The following TENM1 variants were observed in gnomAD, a reference collection of about 807,000 sequenced individuals.
The protein encoded by TENM1 is teneurin transmembrane protein 1.
A neutral mutation model predicts 174.8 loss-of-function variants in TENM1; 35 were observed. The observed-to-expected ratio is 0.20, with a 90% CI of 0.15 to 0.27. The LOEUF is 0.27. TENM1 is among the 10% of genes least tolerant of loss of function. The pLI is 1.00. For missense variants in TENM1, 1,633 were observed against 2,130.1 expected (o/e 0.77, Z 4.59); for synonymous variants, 781 against 798.7 (o/e 0.98, Z 0.37).
At chrX:125,156,888 T>A in the TENM1 span, among the ~76,000 whole-genome samples, 1 of 112,838 alleles carries the variant, frequency 8.9e-6, no homozygotes, top group Non-Finnish European at 1.9e-5. Context: ...TGAGTCTAAA[T>A]GTTCAGCTCT....
At chrX:124,492,681 C>A (rs2047097512) in intron 20 of TENM1, among the ~76,000 whole-genome samples, 1 of 110,405 alleles carries the variant, frequency 9.1e-6, no homozygotes, top group African/African-American at 3.3e-5. Context: ...TAGCTTATTT[C>A]TTTGATGGCC....
intron 27 of TENM1, among the ~76,000 whole-genome samples, chrX:124,393,761 G>C (rs1018149424): frequency 3.2e-4 from 36 of 111,089 alleles, no homozygotes; most frequent in African/African-American, 1.1e-3. Context: ...TAGTGTATCC[G>C]GCAGGAACAA....
At chrX:125,055,923 G>A in the TENM1 span, among the ~76,000 whole-genome samples, 1 of 111,681 alleles carries the variant, frequency 9.0e-6, no homozygotes, top group Non-Finnish European at 1.9e-5. Flanking sequence ...CAAAACATTA[G>A]CGTCCTCCTA....
intron 11 of TENM1, among the ~76,000 whole-genome samples, chrX:124,594,893 G>A (rs2049852856): frequency 8.9e-6 from 1 of 111,998 alleles, no homozygotes; most frequent in African/African-American, 3.2e-5. Flanking sequence ...TAGAATGTCA[G>A]GATAGTTAAT....
intron 11 of TENM1, among the ~76,000 whole-genome samples, chrX:124,634,910 C>T (rs1023270713): frequency 5.4e-5 from 6 of 111,418 alleles, no homozygotes; most frequent in Non-Finnish European, 7.6e-5. Context: ...CACTTCAAAA[C>T]GTAATGAGAC....
At chrX:124,513,008 T>C (rs1281853413) in intron 18 of TENM1, among the ~76,000 whole-genome samples, 2 of 112,057 alleles carry the variant, frequency 1.8e-5, no homozygotes, top group Admixed American at 1.9e-4. Context: ...CTAACTGGAC[T>C]GCATGAATGC....
In TENM1 at chrX:124,752,999, C is replaced by T. The variant is rs959521377; in HGVS notation, c.536-15802G>A. Among the ~76,000 whole-genome samples, 7 of 109,476 alleles carry T rather than the reference C, an allele frequency of 6.4e-5. No individual in the cohort carries two copies. In the South Asian group the frequency reaches 1.2e-3, roughly 18 times the overall value. ...GGGCTCTTTTTTGGTTCCATATGAACGTTAGTTTTTTCCAATTGTGTGAAG... is the reference window on the plus strand; with the variant it reads ...GGGCTCTTTTTTGGTTCCATATGAATGTTAGTTTTTTCCAATTGTGTGAAG... On this transcript the variant is annotated intron_variant, in intron 3 of 31. Coordinates refer to ENST00000422452, the Ensembl canonical transcript of TENM1.
At chrX:124,475,406 C>T (rs1281794415) in intron 22 of TENM1, among the ~76,000 whole-genome samples, 1 of 111,418 alleles carries the variant, frequency 9.0e-6, no homozygotes, top group African/African-American at 3.3e-5. Flanking sequence ...TCATTGGCCT[C>T]CCACGATTTA....
At chrX:124,716,979 C>T (rs1002867977) in intron 4 of TENM1, among the ~76,000 whole-genome samples, 1 of 110,823 alleles carries the variant, frequency 9.0e-6, no homozygotes, top group South Asian at 3.9e-4. Flanking sequence ...CAGGTGCCCC[C>T]TTGAGTCTCC....
At chrX:124,897,313 C>T (rs999449446) in intron 1 of TENM1, among the ~76,000 whole-genome samples, 1 of 111,388 alleles carries the variant, frequency 9.0e-6, no homozygotes, top group Non-Finnish European at 1.9e-5. Context: ...TAAGGTAATC[C>T]GGAGATGTAG....
intron 11 of TENM1, among the ~76,000 whole-genome samples, chrX:124,633,452 T>C (rs1025402090): frequency 2.7e-5 from 3 of 111,931 alleles, no homozygotes; most frequent in Non-Finnish European, 3.8e-5. Context: ...ACTTGTCAAA[T>C]TGTCAAAAGT....
At chrX:124,740,623 G>A in intron 3 of TENM1, among the ~76,000 whole-genome samples, 1 of 111,481 alleles carries the variant, frequency 9.0e-6, no homozygotes, top group Non-Finnish European at 1.9e-5. Context: ...TCACAATATT[G>A]GATTGTTGCA....
rs2054823247 is a variant in TENM1, at chrX:124,778,037, C to T, written c.536-40840G>A. 1.8e-5 allele frequency among the ~76,000 whole-genome samples: 2 copies of T among 113,196 alleles called. 1 individual carries two copies. Among genetic ancestry groups the T allele is most frequent in the Admixed American group, 1.9e-4 (2 of 10,777 alleles). ...CCCACAGGCCATAGTTTGCTGACCC[C>T]TCTTGTACTGTCTTGGTTTTCATTA... On this transcript the variant is annotated intron_variant, in intron 3 of 31. Transcript: ENST00000422452.
At chrX:124,641,866 C>G in exon 11 of TENM1, 1 of 1,211,100 alleles carries the variant, frequency 8.3e-7, no homozygotes, top group Non-Finnish European at 1.1e-6. Flanking sequence ...GTTCCGTGTC[C>G]TGAGCACTGC....
chrX:124,918,811 C>G (rs772101938), intron 1 of TENM1, among the ~76,000 whole-genome samples: 13 of 111,392 alleles, frequency 1.2e-4, no homozygotes, highest in Non-Finnish European at 2.1e-4. Flanking sequence ...AGAACAAGGT[C>G]AAGTCAAGTA....
chrX:124,951,673 T>TATATATATATATATATA (rs767583231), intron 1 of TENM1, among the ~76,000 whole-genome samples: 5 of 66,070 alleles, frequency 7.6e-5, no homozygotes, highest in South Asian at 9.9e-4. Context: ...TATATATATA[T>TATATATATATATATATA]AACAATCAAT....
intron 23 of TENM1, among the ~76,000 whole-genome samples, chrX:124,433,565 G>C (rs2060802682): frequency 8.9e-6 from 1 of 111,929 alleles, no homozygotes; most frequent in African/African-American, 3.2e-5. Context: ...CGGCAAAGAT[G>C]AGAACTCTTT....
intron 3 of TENM1, among the ~76,000 whole-genome samples, chrX:124,757,852 C>T (rs947121281): frequency 1.8e-5 from 2 of 112,164 alleles, no homozygotes; most frequent in African/African-American, 6.5e-5. Flanking sequence ...TACTAATACA[C>T]TCAATTTGTA....
chrX:124,751,360 T>G (rs2054062065), intron 3 of TENM1, among the ~76,000 whole-genome samples: 1 of 111,946 alleles, frequency 8.9e-6, no homozygotes, highest in African/African-American at 3.2e-5. Flanking sequence ...GGGATTTTCC[T>G]TCTCTAAATA....
Sources: allele counts gnomAD v4.1 joint callset (sites outside exome capture counted in the v4.1 genomes callset), GRCh38; gene constraint gnomAD v4.1.1; transcripts MANE v1.5; gene names NCBI Gene and HGNC (gene_info 2026-07-23, HGNC 2026-07-21).